The following SPATA12 variants were observed in gnomAD, a reference collection of about 807,000 sequenced individuals.
SPATA12 encodes the protein spermatogenesis-associated protein 12.
For missense variants in SPATA12, 219 were observed against 226.4 expected, an observed-to-expected ratio of 0.97 and a Z score of 0.21; for synonymous variants, 85 against 89.2, an observed-to-expected ratio of 0.95 and a Z score of 0.26.
Position 57,074,345 on chromosome 3 carries a change from A to C in SPATA12, c.*78A>C. 2 of 1,296,998 alleles carry C rather than the reference A, an allele frequency of 1.5e-6. No homozygotes were observed. Among genetic ancestry groups the C allele is most frequent in the Non-Finnish European group, 2.2e-6 (2 of 917,982 alleles). The allele number at this position is 1,296,998 out of a possible 1,614,324, so 80.3% of individuals were successfully genotyped here. A position where few individuals can be genotyped will look rare whatever the true frequency, so the allele number is the denominator to read the frequency against. On this transcript the variant is annotated 3_prime_UTR_variant, in exon 2 of 2. Transcript: ENST00000334325. ...TTGCACATGCTATGCCCTCCCTTCC[A>C]TCCCCCACCCCCACCAGGGGTGACT...
intron 1 of SPATA12, among the ~76,000 whole-genome samples, chr3:57,062,633 G>A (rs1320777950): frequency 6.6e-6 from 1 of 152,172 alleles, no homozygotes; most frequent in Non-Finnish European, 1.5e-5. Context: ...AAAACACTAT[G>A]TAGCTGTTTA....
intron 1 of SPATA12, among the ~76,000 whole-genome samples, chr3:57,068,868 C>T (rs116958263): frequency 6.6e-6 from 1 of 152,096 alleles, no homozygotes; most frequent in East Asian, 1.9e-4. Context: ...TCCCTATGAA[C>T]TGCCGGTTCC....
At position 57,074,507 on chromosome 3, in the gene SPATA12, A is replaced by T; in HGVS notation, c.*240A>T. 3.7e-6 allele frequency: 2 copies of T among 547,088 alleles called. No homozygotes were observed. Among genetic ancestry groups the T allele is most frequent in the South Asian group, 5.1e-5 (2 of 39,054 alleles). The allele number at this position is 547,088 out of a possible 1,614,324, so 33.9% of individuals were successfully genotyped here. Reference sequence around the variant, plus strand: ...ACTGGCACAAGGTCACACAATCCAGATCTCATACTCTTAGCCCCCGGGGAA... The same window carrying T: ...ACTGGCACAAGGTCACACAATCCAGTTCTCATACTCTTAGCCCCCGGGGAA... On this transcript the variant is annotated 3_prime_UTR_variant, in exon 2 of 2. Transcript: ENST00000334325.
rs1706097600 is a variant in SPATA12, at chr3:57,074,206, G to A, written c.512G>A (p.Gly171Asp). 1 of 1,614,046 alleles carries A rather than the reference G, an allele frequency of 6.2e-7. No individual in the cohort carries two copies. Among genetic ancestry groups the A allele is most frequent in the Non-Finnish European group, 8.5e-7 (1 of 1,180,016 alleles). ...SRSNQLTFTE[G>D]CFVRSLSTVY... is the part of the protein sequence containing the mutation. ...TCAAACCAACTGACATTTACTGAGGGCTGCTTTGTCAGGTCCCTCTCTACA... is the reference window on the plus strand; with the variant it reads ...TCAAACCAACTGACATTTACTGAGGACTGCTTTGTCAGGTCCCTCTCTACA... Residue 171 changes from glycine (G) to aspartate (D), a missense_variant, in exon 2 of 2, where the codon GGC (glycine) becomes GAC (aspartate). By Grantham distance (94) the Gly-to-Asp change is moderately conservative. Coordinates refer to ENST00000334325, the MANE Select transcript of SPATA12 (RefSeq NM_181727.2).
chr3:57,074,421 C>T lies in SPATA12; in HGVS notation c.*154C>T. ...TTAGATATCACTTTTTCCAAGAAGC[C>T]TCCCTGTCACACTTCCCCAATATCA... On this transcript the variant is annotated 3_prime_UTR_variant, in exon 2 of 2. Transcript: ENST00000334325. The T allele has an allele frequency of 3.1e-6, 2 of 653,104 alleles. No individual in the cohort carries two copies. The highest frequency in any genetic ancestry group is 2.7e-6 in the Non-Finnish European group (1 of 369,592). 40.5% of individuals were successfully genotyped at this position (653,104 alleles called of 1,614,324 possible).
intron 1 of SPATA12, among the ~76,000 whole-genome samples, chr3:57,064,208 G>A (rs1343714180): frequency 6.6e-6 from 1 of 152,224 alleles, no homozygotes; most frequent in East Asian, 1.9e-4. Context: ...GGTAGAGGTT[G>A]CAGTGAGCTG....
rs1478247214 is a variant in SPATA12 at position 57,073,983 on chromosome 3, T to A, written c.289T>A (p.Ser97Thr). ...AGCCATCTCTCTTGACATCGCTGTA[T>A]CCCAAATAAATCTTCTGGGAAGACC... ...QAAISLDIAV[S>T]QINLLGRPSS... Residue 97 changes from serine (S) to threonine (T), a missense_variant, in exon 2 of 2, where the codon TCC becomes ACC. Physicochemically the swap from Ser to Thr is moderately conservative, Grantham distance 58 (BLOSUM62 1). Transcript: ENST00000334325. The A allele has an allele frequency of 3.7e-6, 6 of 1,614,204 alleles. No homozygotes were observed. In the South Asian group the frequency reaches 5.5e-5, roughly 15 times the overall value.
chr3:57,071,381 G>T (rs1373277772), intron 1 of SPATA12, among the ~76,000 whole-genome samples: 1 of 152,106 alleles, frequency 6.6e-6, no homozygotes, highest in Non-Finnish European at 1.5e-5. Flanking sequence ...TAGGCATATG[G>T]CTGGGCGTGG....
At chr3:57,066,880 G>C (rs1044176584) in intron 1 of SPATA12, among the ~76,000 whole-genome samples, 1 of 151,948 alleles carries the variant, frequency 6.6e-6, no homozygotes, top group Non-Finnish European at 1.5e-5. Context: ...CTGGGTCTCC[G>C]GCCTGCCAGT....
rs754344451 is a variant in SPATA12, at chr3:57,067,316, G to A, written c.-329-6050G>A. On this transcript the variant is annotated intron_variant, in intron 1 of 1. Coordinates refer to ENST00000334325, the MANE Select transcript of SPATA12 (RefSeq NM_181727.2). The stretch of plus-strand genomic sequence containing the variant: ...AATACAAAAACAAAATTAGCCGGGC[G>A]TGGTGGCGGGCGCCTGTACTCCCAG... Among the ~76,000 whole-genome samples the A allele has an allele frequency of 6.6e-5, 10 of 151,786 alleles. No homozygotes were observed. In the South Asian group the frequency reaches 8.3e-4, roughly 13 times the overall value.
chr3:57,061,211 G>T (rs912580198), intron 1 of SPATA12, among the ~76,000 whole-genome samples: 5 of 152,118 alleles, frequency 3.3e-5, no homozygotes, highest in Non-Finnish European at 7.4e-5. Context: ...CCCCCTGTAA[G>T]TGTCCTTTTG....
At chr3:57,068,694 G>T (rs1481055996) in intron 1 of SPATA12, among the ~76,000 whole-genome samples, 1 of 152,186 alleles carries the variant, frequency 6.6e-6, no homozygotes, top group South Asian at 2.1e-4. Context: ...CACAAGGTCA[G>T]CCAAGCTGTA....
At chr3:57,069,610 T>A (rs953731620) in intron 1 of SPATA12, among the ~76,000 whole-genome samples, 1 of 152,010 alleles carries the variant, frequency 6.6e-6, no homozygotes, top group Non-Finnish European at 1.5e-5. Flanking sequence ...AAGCATTACA[T>A]CTGGAACACA....
chr3:57,063,286 AGCC>A lies in SPATA12; in HGVS notation c.-330+2501_-330+2503del, dbSNP rs1417056157. Among the ~76,000 whole-genome samples, 3 of 81,298 alleles carry A rather than the reference AGCC, an allele frequency of 3.7e-5. No individual in the cohort carries two copies. In the East Asian group the frequency reaches 2.0e-3, roughly 54 times the overall value. 53.3% of individuals were successfully genotyped at this position (81,298 alleles called of 152,430 possible). A position where few individuals can be genotyped will look rare whatever the true frequency, so the allele number is the denominator to read the frequency against. On this transcript the variant is annotated intron_variant, in intron 1 of 1. Coordinates refer to ENST00000334325, the MANE Select transcript of SPATA12 (RefSeq NM_181727.2). ...GCAGCCAGATCACATGGGGCCTTGC[AGCC>A]AGCCACCCTAAAGGCTTTGGCTTTG...
intron 1 of SPATA12, among the ~76,000 whole-genome samples, chr3:57,069,475 T>C (rs1705762635): frequency 6.6e-6 from 1 of 152,080 alleles, no homozygotes; most frequent in South Asian, 2.1e-4. Context: ...ATTTGAAGTT[T>C]CAAATGTAGT....
chr3:57,074,122 G>A lies in SPATA12; in HGVS notation c.428G>A (p.Trp143Ter), dbSNP rs1287572686. The A allele has an allele frequency of 6.2e-7, 1 of 1,613,568 alleles. No individual in the cohort carries two copies. The highest frequency in any genetic ancestry group is 2.2e-5 in the East Asian group (1 of 44,876). ...EDGDNERTTG[W>*]LWRLCEDIDA... Reference sequence around the variant, plus strand: ...GGGGATAATGAGAGGACCACAGGATGGTTGTGGAGACTGTGTGAGGATATA... The same window carrying A: ...GGGGATAATGAGAGGACCACAGGATAGTTGTGGAGACTGTGTGAGGATATA... The change falls in exon 2 of 2, where the codon TGG becomes TAG. Residue 143 changes from tryptophan to a stop codon, truncating the protein, a stop_gained. Transcript: ENST00000334325. LOFTEE classifies it low-confidence loss of function (END_TRUNC).
At chr3:57,067,569 T>A (rs1705620439) in intron 1 of SPATA12, among the ~76,000 whole-genome samples, 1 of 150,908 alleles carries the variant, frequency 6.6e-6, no homozygotes, top group Non-Finnish European at 1.5e-5. Flanking sequence ...GTGCAGTGGC[T>A]CACACCTGTA....
chr3:57,071,871 G>A (rs1220580996), intron 1 of SPATA12, among the ~76,000 whole-genome samples: 1 of 152,050 alleles, frequency 6.6e-6, no homozygotes, highest in East Asian at 1.9e-4. Context: ...TAAAATCATA[G>A]CTGATAAGGA....
chr3:57,067,492 T>TAATAATAC (rs1705616678), intron 1 of SPATA12, among the ~76,000 whole-genome samples: 1 of 100,174 alleles, frequency 1.0e-5, no homozygotes, highest in East Asian at 6.1e-4. Context: ...AATAATAATA[T>TAATAATAC]TTGTCTATAT....
Sources: allele counts gnomAD v4.1 joint callset (sites outside exome capture counted in the v4.1 genomes callset), GRCh38; gene constraint gnomAD v4.1.1; transcripts MANE v1.5; gene names NCBI Gene and HGNC (gene_info 2026-07-23, HGNC 2026-07-21).